Variants in CSGALNACT1 observed in about 807,000 individuals in gnomAD.
CSGALNACT1 encodes beta4GalNAcT-1.
CSGALNACT1 carries 52 observed loss-of-function variants against 51.0 expected under a neutral mutation model. That is an observed-to-expected ratio of 1.02 (90% CI 0.82 to 1.29). CSGALNACT1 has a LOEUF of 1.29. Among genes scored for constraint, CSGALNACT1 ranks in the 50% most tolerant of loss-of-function variants. CSGALNACT1 has a pLI of 0.00. For synonymous variants in CSGALNACT1, 341 were observed against 254.4 expected (o/e 1.34, Z -3.24); for missense variants, 935 against 679.2 (o/e 1.38, Z -4.19).
intron 3 of CSGALNACT1, among the ~76,000 whole-genome samples, chr8:19,569,553 T>C (rs747112836): frequency 1.3e-5 from 2 of 151,872 alleles, no homozygotes; most frequent in Non-Finnish European, 2.9e-5. Flanking sequence ...GAGCTAGCAC[T>C]TTTTTTTAGC....
intron 1 of CSGALNACT1, among the ~76,000 whole-genome samples, chr8:19,744,721 A>C (rs2064540030): frequency 6.6e-6 from 1 of 152,220 alleles, no homozygotes; most frequent in East Asian, 1.9e-4. Flanking sequence ...TCAGATTTAC[A>C]CTCAAATATG....
intron 3 of CSGALNACT1, among the ~76,000 whole-genome samples, chr8:19,509,448 G>A (rs112382724): frequency 0.38 from 56,794 of 151,416 alleles, 10,800 homozygotes; most frequent in African/African-American, 0.41. Context: ...GTAAAACCCC[G>A]CCTCTACTAA....
chr8:19,576,807 G>A (rs371712987), intron 3 of CSGALNACT1, among the ~76,000 whole-genome samples: 37 of 152,168 alleles, frequency 2.4e-4, no homozygotes, highest in East Asian at 1.4e-3. Context: ...TCCTACTAGT[G>A]TATCTCTCAG....
chr8:19,468,409 G>C (rs1485558776), intron 4 of CSGALNACT1, among the ~76,000 whole-genome samples: 4 of 152,168 alleles, frequency 2.6e-5, no homozygotes, highest in African/African-American at 9.7e-5. Flanking sequence ...ACATCATGTG[G>C]ATCCCCTAAG....
intron 4 of CSGALNACT1, among the ~76,000 whole-genome samples, chr8:19,471,744 G>C (rs2068230651): frequency 6.6e-6 from 1 of 152,198 alleles, no homozygotes; most frequent in Non-Finnish European, 1.5e-5. Context: ...TAGATGCAGT[G>C]AGAGTAAACA....
intron 1 of CSGALNACT1, among the ~76,000 whole-genome samples, chr8:19,754,509 A>G (rs2065235937): frequency 6.6e-6 from 1 of 152,254 alleles, no homozygotes; most frequent in Admixed American, 6.5e-5. Flanking sequence ...AAAACCATAT[A>G]CATATATATT....
intron 5 of CSGALNACT1, chr8:19,457,662 G>A (rs751097313): frequency 7.7e-7 from 1 of 1,290,494 alleles, no homozygotes; most frequent in Non-Finnish European, 1.0e-6. Flanking sequence ...TTTATAATTA[G>A]ACAGTAGGAT....
At chr8:19,497,747 T>C (rs776717810) in intron 4 of CSGALNACT1, among the ~76,000 whole-genome samples, 18 of 152,046 alleles carry the variant, frequency 1.2e-4, no homozygotes, top group Non-Finnish European at 1.9e-4. Flanking sequence ...AAGAGAAAAG[T>C]CAAACTGTGA....
intron 5 of CSGALNACT1, among the ~76,000 whole-genome samples, chr8:19,454,401 T>C (rs565997271): frequency 4.3e-4 from 66 of 152,350 alleles, no homozygotes; most frequent in Admixed American, 1.2e-3. Flanking sequence ...GCCAGGCACG[T>C]GGCTGACGCC....
intron 1 of CSGALNACT1, among the ~76,000 whole-genome samples, chr8:19,666,532 A>G (rs2059185391): frequency 6.6e-6 from 1 of 151,532 alleles, no homozygotes; most frequent in South Asian, 2.1e-4. Context: ...TGTCTCTACT[A>G]AAAAATATAA....
intron 5 of CSGALNACT1, 121 bp from the exon 5 acceptor site, chr8:19,440,052 G>C (rs536645408): frequency 1.3e-6 from 1 of 788,282 alleles, no homozygotes; most frequent in South Asian, 1.4e-5. Context: ...ACTTCCAGGA[G>C]AGCCGAGATG....
At chr8:19,686,750 A>G (rs1325221912), upstream of CSGALNACT1, among the ~76,000 whole-genome samples, 1 of 152,196 alleles carries the variant, frequency 6.6e-6, no homozygotes, top group Non-Finnish European at 1.5e-5. Context: ...CAGAAATTTA[A>G]CAACCTCAGA....
intron 3 of CSGALNACT1, among the ~76,000 whole-genome samples, chr8:19,512,235 G>A (rs1027201157): frequency 6.6e-6 from 1 of 152,206 alleles, no homozygotes; most frequent in Non-Finnish European, 1.5e-5. Context: ...GAAGCCTCCA[G>A]CTGACCGACA....
intron 1 of CSGALNACT1, among the ~76,000 whole-genome samples, chr8:19,680,976 T>C (rs116763617): frequency 0.034 from 5,149 of 152,204 alleles, 268 homozygotes; most frequent in African/African-American, 0.11. Flanking sequence ...TGATGAAAAC[T>C]GCGTGTGACT....
At chr8:19,616,639 G>A (rs1564267621) in intron 1 of CSGALNACT1, among the ~76,000 whole-genome samples, 1 of 152,108 alleles carries the variant, frequency 6.6e-6, no homozygotes, top group African/African-American at 2.4e-5. Flanking sequence ...TACTGTCCTT[G>A]CAAGATCTGG....
chr8:19,500,595 C>T lies in CSGALNACT1; in HGVS notation c.634+4606G>A, dbSNP rs141694107. Among the ~76,000 whole-genome samples the T allele has an allele frequency of 2.1e-3, 322 of 152,322 alleles. 4 individuals carry two copies. Among genetic ancestry groups the T allele is most frequent in the African/African-American group, 7.0e-3 (293 of 41,570 alleles). On this transcript the variant is annotated intron_variant, in intron 4 of 9. Transcript: ENST00000454498. ...CAGAGAAGCTTTAGCAAAGTGGTCA[C>T]AGAGCATTCCTTACAGGCTACTTAG...
chr8:19,676,280 G>A (rs1013337366), intron 1 of CSGALNACT1, among the ~76,000 whole-genome samples: 3 of 152,104 alleles, frequency 2.0e-5, no homozygotes, highest in African/African-American at 7.2e-5. Flanking sequence ...GAATTATCAA[G>A]TGAAGGCTTT....
At chr8:19,726,131 C>G (rs1230449737) in intron 1 of CSGALNACT1, among the ~76,000 whole-genome samples, 1 of 152,058 alleles carries the variant, frequency 6.6e-6, no homozygotes, top group Non-Finnish European at 1.5e-5. Context: ...GATAATTCTG[C>G]CTGCATCGCC....
intron 3 of CSGALNACT1, among the ~76,000 whole-genome samples, chr8:19,508,800 C>T (rs2077866328): frequency 6.6e-6 from 1 of 152,134 alleles, no homozygotes; most frequent in Non-Finnish European, 1.5e-5. Flanking sequence ...GTTGTATTTG[C>T]ATAAAAGATG....
Sources: allele counts gnomAD v4.1 joint callset (sites outside exome capture counted in the v4.1 genomes callset), GRCh38; gene constraint gnomAD v4.1.1; transcripts MANE v1.5; gene names NCBI Gene and HGNC (gene_info 2026-07-23, HGNC 2026-07-21).